TMEM132B: variants seen among roughly 807,000 people sequenced by gnomAD.
TMEM132B encodes the protein transmembrane protein 132B.
A neutral mutation model predicts 90.8 loss-of-function variants in TMEM132B; 18 were observed. The observed-to-expected ratio is 0.20, with a 90% confidence interval of 0.14 to 0.29. The LOEUF (loss-of-function observed/expected upper bound fraction) is 0.29, where lower values mean the gene tolerates loss of function less well. TMEM132B is among the 10% of genes least tolerant of loss of function. The pLI is 1.00. For missense variants in TMEM132B, 1,096 were observed against 1,326.8 expected (o/e 0.83, Z 2.70); for synonymous variants, 504 against 523.3 (o/e 0.96, Z 0.50).
intron 1 of TMEM132B, among the ~76,000 whole-genome samples, chr12:125,276,369 A>C (rs770754378): frequency 2.0e-5 from 3 of 152,226 alleles, no homozygotes; most frequent in Non-Finnish European, 2.9e-5. Flanking sequence ...GGGTCTGATC[A>C]CAGTGACCAG....
At chr12:125,218,532 A>G (rs1438290358) in intron 1 of TMEM132B, among the ~76,000 whole-genome samples, 1 of 152,126 alleles carries the variant, frequency 6.6e-6, no homozygotes, top group African/African-American at 2.4e-5. Context: ...ATTCTGGGGT[A>G]GGAGGGAAGA....
chr12:125,565,389 G>A (rs530025710), intron 4 of TMEM132B, among the ~76,000 whole-genome samples: 1 of 152,314 alleles, frequency 6.6e-6, no homozygotes, highest in African/African-American at 2.4e-5. Context: ...AGCATCCAGG[G>A]GTGGGACCTG....
chr12:125,536,253 G>T (rs541735969), intron 4 of TMEM132B, among the ~76,000 whole-genome samples: 45 of 152,318 alleles, frequency 3.0e-4, no homozygotes, highest in African/African-American at 9.4e-4. Flanking sequence ...TTAAACAGAG[G>T]CTGCTGTCCT....
intron 1 of TMEM132B, among the ~76,000 whole-genome samples, chr12:125,196,237 A>G (rs900931013): frequency 3.3e-5 from 5 of 152,210 alleles, no homozygotes; most frequent in Non-Finnish European, 7.3e-5. Context: ...AGTGTCTACT[A>G]TGTGCTCATT....
chr12:125,450,511 A>G (rs923001063), intron 3 of TMEM132B, among the ~76,000 whole-genome samples: 1 of 152,022 alleles, frequency 6.6e-6, no homozygotes, highest in African/African-American at 2.4e-5. Flanking sequence ...TCGTGATAGG[A>G]GAGTGACTTT....
Position 125,432,366 on chromosome 12 carries a change from A to AAAAT in TMEM132B, c.1106+16690_1106+16691insAATA, listed in dbSNP as rs1199430670. 2.5e-4 allele frequency among the ~76,000 whole-genome samples: 3 copies of AAAAT among 11,916 alleles called. 1 individual carries two copies. Among genetic ancestry groups the AAAAT allele is most frequent in the African/African-American group, 5.3e-4 (2 of 3,744 alleles). 7.8% of individuals were successfully genotyped at this position (11,916 alleles called of 152,430 possible). The stretch of plus-strand genomic sequence containing the variant: ...GTGAATGGGCCAAGGGAATTCCTTG[A>AAAAT]ATATATATATATATATATATATATA... On this transcript the variant is annotated intron_variant, in intron 3 of 8. Coordinates refer to ENST00000682704, the MANE Select transcript of TMEM132B (RefSeq NM_001366854.1).
At chr12:125,494,208 C>A (rs373647127) in intron 3 of TMEM132B, among the ~76,000 whole-genome samples, 1 of 107,678 alleles carries the variant, frequency 9.3e-6, no homozygotes, top group Non-Finnish European at 1.9e-5. Flanking sequence ...GAAATGGATG[C>A]GTCCCCTCCT....
intron 5 of TMEM132B, among the ~76,000 whole-genome samples, chr12:125,600,990 A>C (rs1200338714): frequency 6.6e-6 from 1 of 152,200 alleles, no homozygotes; most frequent in Non-Finnish European, 1.5e-5. Flanking sequence ...ACCTACAAAG[A>C]GATTTAGACT....
chr12:125,355,685 A>G (rs1566011813), intron 2 of TMEM132B, among the ~76,000 whole-genome samples: 2 of 152,174 alleles, frequency 1.3e-5, no homozygotes, highest in East Asian at 3.9e-4. Context: ...TGTTTTAATC[A>G]TGTCTCTTAT....
chr12:125,362,232 G>A (rs924151626), intron 2 of TMEM132B, among the ~76,000 whole-genome samples: 1 of 152,132 alleles, frequency 6.6e-6, no homozygotes, highest in Non-Finnish European at 1.5e-5. Flanking sequence ...GCGCTTCCCT[G>A]TGCCTGGGTG....
In TMEM132B at chr12:125,513,307, CACTT is replaced by C. The variant is rs528934330; in HGVS notation, c.1107-6129_1107-6126del. The stretch of plus-strand genomic sequence containing the variant: ...GGGATACATTCGTGAGCAAAACAGG[CACTT>C]ACATACTTGTATGTGCGTGTGCGTG... On this transcript the variant is annotated intron_variant, in intron 3 of 8. Coordinates refer to ENST00000682704, the MANE Select transcript of TMEM132B (RefSeq NM_001366854.1). Among the ~76,000 whole-genome samples, 157 of 151,778 alleles carry C rather than the reference CACTT, an allele frequency of 1.0e-3. 1 individual carries two copies. Among genetic ancestry groups the C allele is most frequent in the African/African-American group, 3.7e-3 (154 of 41,168 alleles).
At chr12:125,193,551 G>A (rs1337240219) in intron 1 of TMEM132B, among the ~76,000 whole-genome samples, 3 of 152,202 alleles carry the variant, frequency 2.0e-5, no homozygotes, top group South Asian at 2.1e-4. Context: ...GTGACTGTGC[G>A]ATCCAGGAAG....
intron 2 of TMEM132B, among the ~76,000 whole-genome samples, chr12:125,396,539 G>A (rs577603378): frequency 9.2e-5 from 14 of 152,250 alleles, no homozygotes; most frequent in African/African-American, 3.1e-4. Context: ...TTGAAATGGG[G>A]TCTTGCTCTG....
intron 6 of TMEM132B, among the ~76,000 whole-genome samples, chr12:125,645,811 C>A (rs1235695730): frequency 6.6e-6 from 1 of 152,134 alleles, no homozygotes; most frequent in African/African-American, 2.4e-5. Context: ...ATTTGTCATG[C>A]AGCAATAGAA....
chr12:125,492,096 A>G lies in TMEM132B; in HGVS notation c.1107-27343A>G, dbSNP rs1434088161. Among the ~76,000 whole-genome samples the G allele has an allele frequency of 6.6e-6, 1 of 152,122 alleles. No individual in the cohort carries two copies. Among genetic ancestry groups the G allele is most frequent in the Non-Finnish European group, 1.5e-5 (1 of 68,024 alleles). On this transcript the variant is annotated intron_variant, in intron 3 of 8. Transcript: ENST00000682704. This position sits in a 1 kb window ranked among gnomAD's most constrained non-coding sequence, Gnocchi z 5.8. ...GATCAATACTGCTTATGTGGAGTGA[A>G]AGTGGCCCATGTCATGGGGATCTGG...
intron 5 of TMEM132B, among the ~76,000 whole-genome samples, chr12:125,592,622 A>G (rs925332062): frequency 4.6e-5 from 7 of 152,194 alleles, no homozygotes; most frequent in African/African-American, 1.7e-4. Flanking sequence ...AAACATCAGC[A>G]GTCTGGAAAA....
intron 5 of TMEM132B, among the ~76,000 whole-genome samples, chr12:125,594,970 G>A (rs142434186): frequency 6.6e-6 from 1 of 152,212 alleles, no homozygotes; most frequent in Non-Finnish European, 1.5e-5. Context: ...GGAAATGTCA[G>A]CTAGAAGAAT....
At chr12:125,470,367 G>A (rs1881680176) in intron 3 of TMEM132B, among the ~76,000 whole-genome samples, 1 of 152,194 alleles carries the variant, frequency 6.6e-6, no homozygotes, top group African/African-American at 2.4e-5. Context: ...TCCTGAGCCT[G>A]GCTAGGGGAG....
intron 3 of TMEM132B, among the ~76,000 whole-genome samples, chr12:125,444,719 ACTAAT>A (rs1339464099): frequency 6.6e-6 from 1 of 152,206 alleles, no homozygotes; most frequent in Non-Finnish European, 1.5e-5. Context: ...GCAATCAAAC[ACTAAT>A]CTAGGTGTTG....
Sources: allele counts gnomAD v4.1 joint callset (sites outside exome capture counted in the v4.1 genomes callset), GRCh38; gene constraint gnomAD v4.1.1; non-coding constraint Gnocchi (gnomAD v3.1); transcripts MANE v1.5; gene names NCBI Gene and HGNC (gene_info 2026-07-23, HGNC 2026-07-21).